The following COL24A1 variants were observed in gnomAD, a reference collection of about 807,000 sequenced individuals.
COL24A1 encodes collagen alpha-1(XXIV) chain.
A neutral mutation model predicts 253.9 loss-of-function variants in COL24A1; 224 were observed. The ratio of observed to expected loss-of-function variants is 0.88; its 90% CI spans 0.79 to 0.99. The LOEUF (loss-of-function observed/expected upper bound fraction) is 0.99, where lower values mean the gene tolerates loss of function less well. Among genes scored for constraint, COL24A1 ranks in the 50% least tolerant of loss-of-function variants. The pLI is 0.00. For synonymous variants in COL24A1, 685 were observed against 673.7 expected, an observed-to-expected ratio of 1.02 and a Z score of -0.26; for missense variants, 2,131 against 2,068.5, an observed-to-expected ratio of 1.03 and a Z score of -0.59.
chr1:85,756,767 G>A (rs1473696768), intron 55 of COL24A1, among the ~76,000 whole-genome samples: 4 of 152,184 alleles, frequency 2.6e-5, no homozygotes, highest in Non-Finnish European at 5.9e-5. Flanking sequence ...GTACAGCAAT[G>A]TTTATAGCAG....
chr1:85,998,957 G>A (rs184199945), intron 19 of COL24A1, among the ~76,000 whole-genome samples: 31 of 152,322 alleles, frequency 2.0e-4, no homozygotes, highest in Admixed American at 1.7e-3. Flanking sequence ...CTAGGAGCTT[G>A]TGTCTTTTAC....
At chr1:85,968,143 C>T (rs1571406405) in intron 22 of COL24A1, among the ~76,000 whole-genome samples, 1 of 152,136 alleles carries the variant, frequency 6.6e-6, no homozygotes, top group East Asian at 1.9e-4. Flanking sequence ...GTTCTCCTTG[C>T]TCCTCAGCTT....
In COL24A1 at chr1:85,987,635, C is replaced by A; in HGVS notation, c.2330G>T (p.Gly777Val). The change falls in exon 20 of 60, where the codon GGG becomes GTG. Residue 777 changes from glycine (G) to valine (V), a missense_variant. Physicochemically the swap from Gly to Val is moderately radical, Grantham distance 109. Coordinates refer to ENST00000370571, the MANE Select transcript of COL24A1 (RefSeq NM_152890.7). ...PGPEGFPGDI[G>V]IPGQNGPEGP... ...TTCAGGGCCGTTTTGTCCAGGAATC[C>A]CAATATCTCCTGGAAAACCCTAGGG... 1.2e-6 allele frequency: 2 copies of A among 1,610,204 alleles called. No homozygotes were observed. Among genetic ancestry groups the A allele is most frequent in the Non-Finnish European group, 1.7e-6 (2 of 1,177,734 alleles).
chr1:85,783,817 G>T (rs536964494), intron 50 of COL24A1, among the ~76,000 whole-genome samples: 1 of 152,158 alleles, frequency 6.6e-6, no homozygotes, highest in South Asian at 2.1e-4. Flanking sequence ...TTTAGGTAAT[G>T]GGTATAGGCA....
chr1:85,969,729 C>CCTTAATTA (rs1370689753), intron 22 of COL24A1, among the ~76,000 whole-genome samples: 32 of 149,282 alleles, frequency 2.1e-4, no homozygotes, highest in Non-Finnish European at 3.4e-4. Context: ...AACACATATA[C>CCTTAATTA]CTTAATTATT....
intron 19 of COL24A1, 99 bp downstream of exon 19, chr1:86,017,052 G>T: frequency 9.0e-7 from 1 of 1,107,808 alleles, no homozygotes; most frequent in Non-Finnish European, 1.3e-6. Flanking sequence ...CTTTAAAGAG[G>T]ATCTTTCTTA....
intron 32 of COL24A1, among the ~76,000 whole-genome samples, chr1:85,885,063 T>C (rs1287301846): frequency 1.3e-5 from 2 of 152,288 alleles, no homozygotes; most frequent in South Asian, 4.1e-4. Context: ...TTGGGGGCAG[T>C]AGTTTGTCTT....
At chr1:86,077,586 C>A (rs12567421) in intron 7 of COL24A1, among the ~76,000 whole-genome samples, 51,693 of 151,958 alleles carry the variant, frequency 0.34, 9,271 homozygotes, top group Middle Eastern at 0.51. Context: ...TTGGAACCAA[C>A]GCAAATGCCC....
At chr1:85,913,478 T>C (rs1010444615) in intron 24 of COL24A1, among the ~76,000 whole-genome samples, 3 of 152,154 alleles carry the variant, frequency 2.0e-5, no homozygotes, top group Non-Finnish European at 4.4e-5. Context: ...AAATTTTTTG[T>C]TTCTGCCCAT....
At chr1:85,864,196 C>T (rs1373604542) in intron 37 of COL24A1, among the ~76,000 whole-genome samples, 2 of 152,068 alleles carry the variant, frequency 1.3e-5, no homozygotes, top group African/African-American at 4.8e-5. Flanking sequence ...GTGGCATGAA[C>T]ACACCATGGA....
At chr1:86,040,686 C>T (rs962574223) in intron 12 of COL24A1, among the ~76,000 whole-genome samples, 4 of 152,084 alleles carry the variant, frequency 2.6e-5, no homozygotes, top group Non-Finnish European at 5.9e-5. Flanking sequence ...ATCTTCCATA[C>T]ACCCTGTCAT....
intron 5 of COL24A1, among the ~76,000 whole-genome samples, chr1:86,111,100 G>A (rs116998722): frequency 2.6e-5 from 4 of 151,744 alleles, no homozygotes; most frequent in Admixed American, 1.3e-4. Context: ...CCGGGTTTGC[G>A]GATGCACCAA....
intron 12 of COL24A1, among the ~76,000 whole-genome samples, chr1:86,038,469 C>A (rs746887997): frequency 7.2e-5 from 11 of 152,096 alleles, no homozygotes; most frequent in Non-Finnish European, 1.3e-4. Context: ...CATGAAAATA[C>A]AGGCAAGAGA....
chr1:86,079,252 G>A (rs1044748774), intron 7 of COL24A1, among the ~76,000 whole-genome samples: 1 of 152,144 alleles, frequency 6.6e-6, no homozygotes, highest in African/African-American at 2.4e-5. Flanking sequence ...ATATCCATAT[G>A]TAGAATAATG....
At chr1:85,737,352 A>G in intron 58 of COL24A1, 44 bp downstream of exon 58, 1 of 1,171,166 alleles carries the variant, frequency 8.5e-7, no homozygotes, top group Non-Finnish European at 1.2e-6. Flanking sequence ...TTTCACTGAT[A>G]CTGTGCAATA....
At chr1:85,833,499 C>T (rs562768343) in intron 43 of COL24A1, among the ~76,000 whole-genome samples, 6 of 152,260 alleles carry the variant, frequency 3.9e-5, no homozygotes, top group Admixed American at 3.9e-4. Flanking sequence ...GAAATAGGAA[C>T]ACTTTTACAC....
chr1:86,134,706 C>A (rs1649924755), intron 2 of COL24A1, among the ~76,000 whole-genome samples: 1 of 84,582 alleles, frequency 1.2e-5, no homozygotes, highest in Non-Finnish European at 2.5e-5. Context: ...GCACTGTGGC[C>A]TGAGAGACAA....
At chr1:85,844,523 T>G (rs1676960273) in intron 39 of COL24A1, among the ~76,000 whole-genome samples, 1 of 151,868 alleles carries the variant, frequency 6.6e-6, no homozygotes, top group African/African-American at 2.4e-5. Flanking sequence ...AATTAGTGAA[T>G]CAGAAAACCA....
chr1:86,068,563 T>C (rs969636674), intron 7 of COL24A1, among the ~76,000 whole-genome samples: 14 of 152,128 alleles, frequency 9.2e-5, no homozygotes, highest in Non-Finnish European at 1.9e-4. Flanking sequence ...CTGCAAATCC[T>C]AGGCTATTCC....
Sources: allele counts gnomAD v4.1 joint callset (sites outside exome capture counted in the v4.1 genomes callset), GRCh38; gene constraint gnomAD v4.1.1; transcripts MANE v1.5; gene names NCBI Gene and HGNC (gene_info 2026-07-23, HGNC 2026-07-21).